Variants in NAALADL2 observed in about 807,000 individuals in gnomAD.
The protein encoded by NAALADL2 is N-acetylated alpha-linked acidic dipeptidase like 2.
Under a neutral mutation model 87.2 loss-of-function variants are expected in NAALADL2, and 76 were observed. The ratio of observed to expected loss-of-function variants is 0.87; its 90% confidence interval spans 0.72 to 1.05. The LOEUF (loss-of-function observed/expected upper bound fraction) is 1.05, where lower values mean the gene tolerates loss of function less well. Among genes scored for constraint, NAALADL2 ranks in the 50% least tolerant of loss-of-function variants. The probability of loss-of-function intolerance (pLI) is 0.00; values close to 1 mark genes in which losing one functional copy is unlikely to be tolerated. For synonymous variants in NAALADL2, 354 were observed against 331.0 expected, an observed-to-expected ratio of 1.07 and a Z score of -0.75; for missense variants, 1,089 against 945.8, an observed-to-expected ratio of 1.15 and a Z score of -1.99.
chr3:174,860,242 A>G (rs1181373641), intron 1 of NAALADL2, among the ~76,000 whole-genome samples: 1 of 152,104 alleles, frequency 6.6e-6, no homozygotes, highest in Non-Finnish European at 1.5e-5. Context: ...CCTATTTTAT[A>G]GTTAAATTAT....
chr3:175,103,829 T>C (rs1007809964), intron 2 of NAALADL2, among the ~76,000 whole-genome samples: 2 of 152,180 alleles, frequency 1.3e-5, no homozygotes, highest in Admixed American at 6.5e-5. Context: ...TTAGAACCCT[T>C]CATTTTAACA....
chr3:174,569,054 AT>A (rs1477055591), intron 2 of NAALADL2, among the ~76,000 whole-genome samples: 1 of 151,526 alleles, frequency 6.6e-6, no homozygotes, highest in African/African-American at 2.4e-5. Context: ...CTAATAATGA[AT>A]TTTTCAAAAT....
intron 9 of NAALADL2, among the ~76,000 whole-genome samples, chr3:175,523,529 A>T (rs939247572): frequency 2.0e-5 from 3 of 152,240 alleles, no homozygotes; most frequent in Non-Finnish European, 4.4e-5. Flanking sequence ...TGGTGCCGCA[A>T]AAGAAATAGC....
chr3:175,324,967 G>T (rs905853367), intron 5 of NAALADL2, among the ~76,000 whole-genome samples: 1 of 152,138 alleles, frequency 6.6e-6, no homozygotes, highest in Non-Finnish European at 1.5e-5. Flanking sequence ...GATGCTCACC[G>T]CATCATTGAA....
chr3:175,756,467 G>A (rs62286121), intron 13 of NAALADL2, among the ~76,000 whole-genome samples: 11,929 of 152,144 alleles, frequency 0.078, 493 homozygotes, highest in Middle Eastern at 0.1. Flanking sequence ...TGTGGTATAT[G>A]TACTCTATAG....
At chr3:174,670,950 C>T (rs1161132724) in intron 2 of NAALADL2, among the ~76,000 whole-genome samples, 5 of 151,976 alleles carry the variant, frequency 3.3e-5, no homozygotes, top group Non-Finnish European at 5.9e-5. Flanking sequence ...AGTGAGTTCT[C>T]CTGAGATCTG....
At chr3:175,131,782 C>T (rs1359503286) in intron 2 of NAALADL2, among the ~76,000 whole-genome samples, 2 of 148,904 alleles carry the variant, frequency 1.3e-5, no homozygotes, top group East Asian at 4.1e-4. Context: ...CTGACCCCCC[C>T]ACCTCCCTCC....
intron 6 of NAALADL2, among the ~76,000 whole-genome samples, chr3:175,452,620 G>A (rs904255901): frequency 1.3e-5 from 2 of 152,004 alleles, no homozygotes; most frequent in African/African-American, 4.8e-5. Context: ...AACTCTTTAC[G>A]AAGAACTGAT....
At chr3:175,125,050 C>T (rs1024055898) in intron 2 of NAALADL2, among the ~76,000 whole-genome samples, 2 of 151,870 alleles carry the variant, frequency 1.3e-5, no homozygotes, top group African/African-American at 2.4e-5. Flanking sequence ...ATGGAACACT[C>T]TATGGTGATG....
intron 4 of NAALADL2, among the ~76,000 whole-genome samples, chr3:175,276,104 T>C (rs1032739128): frequency 1.3e-5 from 2 of 150,622 alleles, no homozygotes; most frequent in Non-Finnish European, 3.0e-5. Flanking sequence ...TATTAAAAAA[T>C]TTCTATAAGC....
intron 1 of NAALADL2, among the ~76,000 whole-genome samples, chr3:174,441,662 A>G (rs911367545): frequency 6.6e-6 from 1 of 150,922 alleles, no homozygotes; most frequent in Non-Finnish European, 1.5e-5. Context: ...GCTTACTACC[A>G]CATTTGCCCT....
chr3:175,423,840 C>T (rs1206761210), intron 5 of NAALADL2, among the ~76,000 whole-genome samples: 1 of 152,186 alleles, frequency 6.6e-6, no homozygotes, highest in Admixed American at 6.6e-5. Context: ...GGAATCACCA[C>T]ACTGACTTCC....
chr3:175,520,732 A>G (rs115911323), intron 9 of NAALADL2, among the ~76,000 whole-genome samples: 1,566 of 152,340 alleles, frequency 0.01, 15 homozygotes, highest in Non-Finnish European at 0.015. Context: ...TAGGATGGAT[A>G]AGAAATCCTC....
chr3:175,782,034 CTCA>C (rs1167688395), intron 13 of NAALADL2, among the ~76,000 whole-genome samples: 1 of 151,064 alleles, frequency 6.6e-6, no homozygotes, highest in Non-Finnish European at 1.5e-5. Context: ...AGGACATGAA[CTCA>C]TCATTTTTTA....
At chr3:174,506,627 A>T (rs1461984016) in intron 1 of NAALADL2, among the ~76,000 whole-genome samples, 1 of 152,198 alleles carries the variant, frequency 6.6e-6, no homozygotes, top group Non-Finnish European at 1.5e-5. Flanking sequence ...AAATTTTAAA[A>T]TTAAAAATGA....
intron 2 of NAALADL2, among the ~76,000 whole-genome samples, chr3:175,190,148 A>ATAT (rs1737928681): frequency 6.7e-6 from 1 of 149,136 alleles, no homozygotes; most frequent in Non-Finnish European, 1.5e-5. Flanking sequence ...TGGCCTTGGC[A>ATAT]ATATATATAT....
chr3:175,783,611 T>C (rs532967250), intron 13 of NAALADL2, among the ~76,000 whole-genome samples: 8 of 152,024 alleles, frequency 5.3e-5, no homozygotes, highest in South Asian at 4.1e-4. Flanking sequence ...GGCTGAGACA[T>C]TGGGGTTTTC....
chr3:174,817,706 A>C (rs1720957933), intron 3 of NAALADL2, among the ~76,000 whole-genome samples: 1 of 152,198 alleles, frequency 6.6e-6, no homozygotes, highest in Admixed American at 6.6e-5. Flanking sequence ...AAAGAGGATT[A>C]AAAATATTTT....
At chr3:174,926,033 C>T (rs567255131) in intron 1 of NAALADL2, among the ~76,000 whole-genome samples, 12 of 152,134 alleles carry the variant, frequency 7.9e-5, no homozygotes, top group Non-Finnish European at 1.5e-4. Context: ...GAGCTGAAAA[C>T]CATGGCACGA....
Sources: allele counts gnomAD v4.1 joint callset (sites outside exome capture counted in the v4.1 genomes callset), GRCh38; gene constraint gnomAD v4.1.1; transcripts MANE v1.5; gene names NCBI Gene and HGNC (gene_info 2026-07-23, HGNC 2026-07-21).